The following FRMD4B variants were observed in gnomAD, a reference collection of about 807,000 sequenced individuals.
The protein encoded by FRMD4B is FERM domain containing 4B, also known as FERM domain-containing protein 4B.
A neutral mutation model predicts 141.5 loss-of-function variants in FRMD4B; 74 were observed. That is an observed-to-expected ratio of 0.52 (90% CI 0.43 to 0.63). FRMD4B has a LOEUF of 0.63. FRMD4B is among the 30% of genes least tolerant of loss of function. The probability of loss-of-function intolerance (pLI) is 0.00; values close to 1 mark genes in which losing one functional copy is unlikely to be tolerated. For synonymous variants in FRMD4B, 506 were observed against 467.9 expected (o/e 1.08, Z -1.05); for missense variants, 1,366 against 1,253.4 (o/e 1.09, Z -1.36).
intron 1 of FRMD4B, among the ~76,000 whole-genome samples, chr3:69,347,052 TC>T (rs1702971001): frequency 6.6e-6 from 1 of 151,970 alleles, no homozygotes. Flanking sequence ...GGATAAAGAG[TC>T]AAGACCCATC....
intron 2 of FRMD4B, among the ~76,000 whole-genome samples, chr3:69,405,912 C>T (rs1201064701): frequency 6.6e-6 from 1 of 152,160 alleles, no homozygotes; most frequent in Non-Finnish European, 1.5e-5. Context: ...TTATTAATGT[C>T]ATTTCAAATA....
chr3:69,228,433 CTG>C (rs1559735160), intron 7 of FRMD4B: 1 of 456,888 alleles, frequency 2.2e-6, no homozygotes, highest in East Asian at 6.9e-5. Flanking sequence ...CCTGGGGACA[CTG>C]AGATATGGTG....
chr3:69,410,580 G>A (rs1224059959), intron 2 of FRMD4B, among the ~76,000 whole-genome samples: 1 of 151,730 alleles, frequency 6.6e-6, no homozygotes, highest in Non-Finnish European at 1.5e-5. Context: ...TGATGGCACA[G>A]GCATGGCCCA....
At chr3:69,271,906 C>T (rs1397107753) in intron 5 of FRMD4B, among the ~76,000 whole-genome samples, 3 of 152,010 alleles carry the variant, frequency 2.0e-5, no homozygotes, top group South Asian at 2.1e-4. Context: ...ATCTGGGAGG[C>T]GGAGGTTGCA....
Position 69,483,280 on chromosome 3 carries a change from G to A in FRMD4B, c.-128-50519C>T, listed in dbSNP as rs542915562. On this transcript the variant is annotated intron_variant, in intron 1 of 5. Coordinates refer to the FRMD4B transcript ENST00000459638. The stretch of plus-strand genomic sequence containing the variant: ...AATATTTTAGGTGAGAAGAGTGTCT[G>A]TGGCTTCTAAGGCCTTTGCCAGAGA... Among the ~76,000 whole-genome samples the A allele has an allele frequency of 3.9e-5, 6 of 152,324 alleles. 1 individual carries two copies. In the South Asian group the frequency reaches 1.2e-3, roughly 32 times the overall value.
chr3:69,210,283 G>T lies in FRMD4B; in HGVS notation c.876+5980C>A, dbSNP rs539146373. On this transcript the variant is annotated intron_variant, in intron 11 of 22. Transcript: ENST00000398540. Reference sequence around the variant, plus strand: ...TGGTTTTCCAGGGGAAGTATTTGCCGAAGGGATACAAATCTGTCATGACAT... The same window carrying T: ...TGGTTTTCCAGGGGAAGTATTTGCCTAAGGGATACAAATCTGTCATGACAT... Among the ~76,000 whole-genome samples, 13 of 152,196 alleles carry T rather than the reference G, an allele frequency of 8.5e-5. 1 individual carries two copies. Among genetic ancestry groups the T allele is most frequent in the Admixed American group, 2.0e-4 (3 of 15,272 alleles).
intron 2 of FRMD4B, among the ~76,000 whole-genome samples, chr3:69,405,104 C>T (rs1559518043): frequency 6.6e-6 from 1 of 152,152 alleles, no homozygotes; most frequent in Admixed American, 6.5e-5. Context: ...ATATGACAAA[C>T]TAGGGAATAG....
intron 5 of FRMD4B, among the ~76,000 whole-genome samples, chr3:69,260,016 G>A (rs762161856): frequency 7.9e-5 from 12 of 152,268 alleles, no homozygotes; most frequent in Non-Finnish European, 1.5e-4. Context: ...TATCACACTC[G>A]TCCTATGTGA....
At chr3:69,475,652 A>T (rs965615164) in intron 1 of FRMD4B, among the ~76,000 whole-genome samples, 2 of 152,060 alleles carry the variant, frequency 1.3e-5, no homozygotes, top group East Asian at 1.9e-4. Context: ...TTGTGAATAG[A>T]GCCGCAATAA....
At chr3:69,441,764 C>T (rs1705347647) in intron 1 of FRMD4B, among the ~76,000 whole-genome samples, 1 of 152,216 alleles carries the variant, frequency 6.6e-6, no homozygotes, top group South Asian at 2.1e-4. Flanking sequence ...GTTGCTCCTC[C>T]TGTGTCCTCT....
chr3:69,342,401 T>C (rs955052494), intron 1 of FRMD4B, among the ~76,000 whole-genome samples: 2 of 152,196 alleles, frequency 1.3e-5, no homozygotes, highest in Non-Finnish European at 2.9e-5. Flanking sequence ...GAGATTCAAA[T>C]GTGGGCTAAT....
At chr3:69,451,663 A>G (rs2106889821) in intron 1 of FRMD4B, among the ~76,000 whole-genome samples, 1 of 152,340 alleles carries the variant, frequency 6.6e-6, no homozygotes, top group African/African-American at 2.4e-5. Flanking sequence ...TCATGCCAAG[A>G]TGCCTTTCTT....
chr3:69,462,210 A>T (rs1378438185), intron 1 of FRMD4B, among the ~76,000 whole-genome samples: 1 of 152,108 alleles, frequency 6.6e-6, no homozygotes, highest in Non-Finnish European at 1.5e-5. Flanking sequence ...AAGTAACCAG[A>T]GCTCAGTCTT....
intron 7 of FRMD4B, among the ~76,000 whole-genome samples, chr3:69,246,302 A>G (rs2093425314): frequency 6.6e-6 from 1 of 152,104 alleles, no homozygotes; most frequent in Non-Finnish European, 1.5e-5. Flanking sequence ...CAAAAAATAC[A>G]AAAATTAGCC....
At chr3:69,415,481 A>G (rs1386303882) in intron 2 of FRMD4B, among the ~76,000 whole-genome samples, 2 of 151,288 alleles carry the variant, frequency 1.3e-5, no homozygotes, top group Admixed American at 6.6e-5. Flanking sequence ...TCTGCCCTCT[A>G]ACACACTACA....
intron 2 of FRMD4B, among the ~76,000 whole-genome samples, chr3:69,410,722 AATAAATATATATAT>A (rs1305135375): frequency 4.4e-4 from 26 of 58,542 alleles, no homozygotes; most frequent in South Asian, 1.5e-3. Flanking sequence ...TAAATAAATA[AATAAATATATATAT>A]ATATATATAT....
At chr3:69,524,364 C>A (rs1302304751) in intron 1 of FRMD4B, among the ~76,000 whole-genome samples, 1 of 152,206 alleles carries the variant, frequency 6.6e-6, no homozygotes, top group Admixed American at 6.5e-5. Flanking sequence ...TGTTAAGTCA[C>A]AGAGTTAGGA....
chr3:69,310,130 C>T (rs778544733), intron 3 of FRMD4B, among the ~76,000 whole-genome samples: 1 of 152,142 alleles, frequency 6.6e-6, no homozygotes, highest in Non-Finnish European at 1.5e-5. Flanking sequence ...CATCCTCAGT[C>T]CAGAATCAAG....
rs796453101 is a variant in FRMD4B, at chr3:69,472,925, C to CTTTTTTTTTTTTTTTTTTTT, written c.-128-40165_-128-40164insAAAAAAAAAAAAAAAAAAAA. Among the ~76,000 whole-genome samples, 16 of 90,914 alleles carry CTTTTTTTTTTTTTTTTTTTT rather than the reference C, an allele frequency of 1.8e-4. 2 individuals carry two copies. The highest frequency in any genetic ancestry group is 3.4e-4 in the African/African-American group (7 of 20,720). The allele number at this position is 90,914 out of a possible 152,430, so 59.6% of individuals were successfully genotyped here. The stretch of plus-strand genomic sequence containing the variant: ...TATCCAAGGCTTCAAGTGAGTCTTT[C>CTTTTTTTTTTTTTTTTTTTT]TTTTTTTTTTTTCTTTTTTTTTTTT... On this transcript the variant is annotated intron_variant, in intron 1 of 5. Transcript: ENST00000459638.
Sources: gnomAD v4.1 joint callset for allele counts (sites outside exome capture counted in the v4.1 genomes callset) on GRCh38, gnomAD v4.1.1 for gene constraint, MANE v1.5 for transcripts, NCBI Gene and HGNC (gene_info 2026-07-23, HGNC 2026-07-21) for gene names.